Variants in B4GALNT3 observed in about 807,000 individuals in gnomAD.
B4GALNT3 encodes beta-1,4-N-acetyl-galactosaminyltransferase 3.
Under a neutral mutation model 120.2 loss-of-function variants are expected in B4GALNT3, and 86 were observed. That is an observed-to-expected ratio of 0.72 (90% CI 0.60 to 0.86). The LOEUF is 0.86. B4GALNT3 is among the 40% of genes least tolerant of loss of function. The pLI, the probability that B4GALNT3 is intolerant of heterozygous loss-of-function variation, is 0.00. For missense variants in B4GALNT3, 1,167 were observed against 1,298.9 expected (o/e 0.90, Z 1.56); for synonymous variants, 518 against 510.4 (o/e 1.01, Z -0.20).
At chr12:547,979 G>A (rs1947029273) in intron 7 of B4GALNT3, 45 bp from the exon 8 acceptor site, 1 of 1,552,810 alleles carries the variant, frequency 6.4e-7, no homozygotes, top group Non-Finnish European at 8.9e-7. Flanking sequence ...CGACCCCAGG[G>A]CCCATGGAGA....
At chr12:461,867 G>C (rs1946026062) in intron 1 of B4GALNT3, among the ~76,000 whole-genome samples, 1 of 152,106 alleles carries the variant, frequency 6.6e-6, no homozygotes, top group African/African-American at 2.4e-5. Context: ...ACTAGCGGGG[G>C]AATCAAGGGA....
chr12:524,639 TA>T (rs72425704), intron 1 of B4GALNT3, among the ~76,000 whole-genome samples: 2,136 of 130,784 alleles, frequency 0.016, 38 homozygotes, highest in African/African-American at 0.046. Flanking sequence ...TAAGACATGT[TA>T]AAAAAAAAAA....
At chr12:556,438 G>A in intron 14 of B4GALNT3, 109 bp from the exon 15 acceptor site, 1 of 1,128,966 alleles carries the variant, frequency 8.9e-7, no homozygotes, top group Non-Finnish European at 1.3e-6. Context: ...GCAAAGCTAG[G>A]ACAAAAACCA....
rs1261271397 is a variant in B4GALNT3, at chr12:556,835, T to C, written c.2349T>C (p.Ser783=). Residue 783 remains serine (S), a synonymous_variant, in exon 15 of 20, where the codon AGT becomes AGC. Coordinates refer to ENST00000266383, the MANE Select transcript of B4GALNT3 (RefSeq NM_173593.4). ...KLCWPQGFSW[S]HRAVVHFVVP... is the part of the protein sequence containing the mutation. ...GCTGGCCTCAGGGTTTCTCCTGGAG[T>C]CACCGAGCCGTGGTCCACTTCGTCG... is the stretch of plus-strand genomic sequence containing the variant. The C allele has an allele frequency of 6.2e-7, 1 of 1,608,308 alleles. No homozygotes were observed.
At chr12:531,697 A>G (rs1420826502) in intron 1 of B4GALNT3, among the ~76,000 whole-genome samples, 3 of 152,180 alleles carry the variant, frequency 2.0e-5, no homozygotes, top group African/African-American at 7.2e-5. Context: ...AGAGATACTG[A>G]GTATTTTTTA....
intron 14 of B4GALNT3, among the ~76,000 whole-genome samples, chr12:554,789 C>CA (rs57194028): frequency 0.02 from 654 of 32,978 alleles, 111 homozygotes; most frequent in Non-Finnish European, 0.029. Context: ...GACTCCGTCT[C>CA]AAAAAAAAAA....
chr12:478,282 GTA>G (rs1946204490), intron 1 of B4GALNT3, among the ~76,000 whole-genome samples: 1 of 98,758 alleles, frequency 1.0e-5, no homozygotes, highest in Admixed American at 1.1e-4. Flanking sequence ...ATTAGAGGAG[GTA>G]AAAAAAAAAA....
chr12:489,667 T>C (rs1592019399), intron 1 of B4GALNT3, among the ~76,000 whole-genome samples: 1 of 152,064 alleles, frequency 6.6e-6, no homozygotes. Flanking sequence ...ACTGTTAGAG[T>C]TGAAGACTTC....
At chr12:512,612 C>CGCCTTCT in intron 1 of B4GALNT3, among the ~76,000 whole-genome samples, 1 of 145,280 alleles carries the variant, frequency 6.9e-6, no homozygotes, top group African/African-American at 2.6e-5. Flanking sequence ...TTCCACCTTC[C>CGCCTTCT]ACCTTCCGCC....
chr12:545,683 AGC>A (rs1946987781), intron 6 of B4GALNT3, among the ~76,000 whole-genome samples: 2 of 110,310 alleles, frequency 1.8e-5, no homozygotes, highest in African/African-American at 3.6e-5. Flanking sequence ...TGTGGGGAGG[AGC>A]GAGGTGTGGG....
In B4GALNT3 at chr12:563,028, G is replaced by C. The variant is rs961323327; in HGVS notation, c.*1577G>C. On this transcript the variant is annotated 3_prime_UTR_variant, in exon 20 of 20. Coordinates refer to ENST00000266383, the MANE Select transcript of B4GALNT3 (RefSeq NM_173593.4). ...TGGAGCCCGTGGAGAACCTTCTGGG[G>C]GGTCGGGGAGAATCCCTGCCTCCCT... is the stretch of plus-strand genomic sequence containing the variant. 3 of 152,342 alleles carry C rather than the reference G, an allele frequency of 2.0e-5. No homozygotes were observed. Among genetic ancestry groups the C allele is most frequent in the African/African-American group, 7.2e-5 (3 of 41,442 alleles). The allele number at this position is 152,342 out of a possible 1,614,324, so 9.4% of individuals were successfully genotyped here.
At position 553,445 on chromosome 12, in the gene B4GALNT3, G is replaced by A. The variant is rs762528134; in HGVS notation, c.1522G>A (p.Val508Met). Reference sequence around the variant, plus strand: ...CCCAGGGAGGACCAGCCACATTCCAGTGCAGCAGCCAGAGAAGAGGAAGCA... The same window carrying A: ...CCCAGGGAGGACCAGCCACATTCCAATGCAGCAGCCAGAGAAGAGGAAGCA... ...SFPGRTSHIP[V>M]QQPEKRKQKP... is the part of the protein sequence containing the mutation. The change falls in exon 14 of 20, where the codon GTG becomes ATG. Residue 508 changes from valine to methionine, a missense_variant. Around this residue, in one of 3 missense-constraint regions of B4GALNT3, gnomAD observed 983 missense variants for 1,102.5 expected, o/e 0.89. Transcript: ENST00000266383. 6 of 1,614,140 alleles carry A rather than the reference G, an allele frequency of 3.7e-6. No homozygotes were observed. Among genetic ancestry groups the A allele is most frequent in the Non-Finnish European group, 3.4e-6 (4 of 1,180,054 alleles).
At chr12:467,034 A>G (rs1001241583) in intron 1 of B4GALNT3, among the ~76,000 whole-genome samples, 2 of 152,190 alleles carry the variant, frequency 1.3e-5, no homozygotes, top group African/African-American at 4.8e-5. Context: ...TTAGTTTAGC[A>G]TATTTTAATA....
chr12:512,300 CCTTCCACCTT>C (rs1338257262), intron 1 of B4GALNT3, among the ~76,000 whole-genome samples: 2 of 127,874 alleles, frequency 1.6e-5, no homozygotes, highest in African/African-American at 7.0e-5. Context: ...CCTTCTTCCA[CCTTCCACCTT>C]CTTCCACCTT....
intron 1 of B4GALNT3, among the ~76,000 whole-genome samples, chr12:527,491 G>C (rs572483414): frequency 3.4e-4 from 52 of 152,364 alleles, no homozygotes; most frequent in African/African-American, 1.1e-3. Context: ...AGGACAGCTG[G>C]TTGTTCTTCA....
chr12:519,613 T>TTC (rs1555156017), intron 1 of B4GALNT3, among the ~76,000 whole-genome samples: 140 of 149,398 alleles, frequency 9.4e-4, no homozygotes, highest in African/African-American at 2.8e-3. Flanking sequence ...TTTTTTTTTT[T>TTC]CCGGTAAGGA....
intron 1 of B4GALNT3, among the ~76,000 whole-genome samples, chr12:485,866 A>G (rs1399600650): frequency 6.6e-6 from 1 of 152,174 alleles, no homozygotes; most frequent in East Asian, 1.9e-4. Context: ...GATTCCTCAG[A>G]GAAGGGAGGT....
At chr12:484,229 C>T (rs930073655) in intron 1 of B4GALNT3, among the ~76,000 whole-genome samples, 9 of 152,178 alleles carry the variant, frequency 5.9e-5, no homozygotes, top group South Asian at 2.1e-4. Context: ...CATCTCTTTC[C>T]GCCCTGCCTT....
chr12:507,032 A>G (rs1252656009), intron 1 of B4GALNT3, among the ~76,000 whole-genome samples: 1 of 152,232 alleles, frequency 6.6e-6, no homozygotes, highest in Non-Finnish European at 1.5e-5. Flanking sequence ...GCTCACACCC[A>G]GTTTCCTCTA....
Sources: allele counts gnomAD v4.1 joint callset (sites outside exome capture counted in the v4.1 genomes callset), GRCh38; gene constraint gnomAD v4.1.1; regional missense constraint gnomAD v4.1.1; transcripts MANE v1.5; gene names NCBI Gene and HGNC (gene_info 2026-07-23, HGNC 2026-07-21).